CFAP54: variants seen among roughly 807,000 people sequenced by gnomAD.
CFAP54 encodes cilia- and flagella-associated protein 54.
CFAP54 carries 290 observed loss-of-function variants against 370.4 expected under a neutral mutation model. That is an observed-to-expected ratio of 0.78 (90% CI 0.71 to 0.86). The LOEUF is 0.86. CFAP54 is among the 40% of genes least tolerant of loss of function. CFAP54 has a pLI of 0.00. For missense variants in CFAP54, 3,399 were observed against 3,528.7 expected, an observed-to-expected ratio of 0.96 and a Z score of 0.93; for synonymous variants, 1,206 against 1,236.5, an observed-to-expected ratio of 0.98 and a Z score of 0.52.
At chr12:96,805,084 A>T (rs1958863818) in intron 63 of CFAP54, among the ~76,000 whole-genome samples, 1 of 152,138 alleles carries the variant, frequency 6.6e-6, no homozygotes, top group South Asian at 2.1e-4. Context: ...TACCAGATAC[A>T]AAACTGAAGA....
At chr12:96,711,675 A>G (rs1957616266) in intron 48 of CFAP54, among the ~76,000 whole-genome samples, 3 of 152,218 alleles carry the variant, frequency 2.0e-5, no homozygotes, top group Non-Finnish European at 4.4e-5. Context: ...TAGATGTTTA[A>G]TCATTTGCTG....
chr12:96,777,634 C>T (rs1958531963), intron 60 of CFAP54, among the ~76,000 whole-genome samples: 1 of 152,136 alleles, frequency 6.6e-6, no homozygotes, highest in Non-Finnish European at 1.5e-5. Context: ...CAGGTGTGAG[C>T]CACTGCGCCT....
rs181292770 is a variant in CFAP54 at position 96,562,519 on chromosome 12, G to A, written c.2411-1949G>A. On this transcript the variant is annotated intron_variant, in intron 17 of 67. Transcript: ENST00000524981. ...TCAGCTCACTGGAACCTCTGCCTCC[G>A]AGGTTCAAGTGATTCTCCTGCCTCA... Among the ~76,000 whole-genome samples, 235 of 148,834 alleles carry A rather than the reference G, an allele frequency of 1.6e-3. 1 individual carries two copies. The highest frequency in any genetic ancestry group is 5.5e-3 in the African/African-American group (222 of 40,420).
intron 50 of CFAP54, among the ~76,000 whole-genome samples, chr12:96,727,306 A>T (rs1208377637): frequency 1.3e-5 from 2 of 151,836 alleles, no homozygotes; most frequent in Admixed American, 6.6e-5. Context: ...ATTGTGTGGG[A>T]GTCTAAGTCT....
At chr12:96,826,862 A>T (rs1327044640) in intron 65 of CFAP54, among the ~76,000 whole-genome samples, 1 of 118,208 alleles carries the variant, frequency 8.5e-6, no homozygotes, top group South Asian at 2.4e-4. Flanking sequence ...AATATATTAT[A>T]TAATATTATG....
intron 60 of CFAP54, among the ~76,000 whole-genome samples, chr12:96,770,237 G>A (rs1038851316): frequency 6.6e-6 from 1 of 150,668 alleles, no homozygotes; most frequent in Non-Finnish European, 1.5e-5. Context: ...TGTTGCATCC[G>A]AGTATTAGAG....
chr12:96,733,620 TG>T (rs1441748032), intron 50 of CFAP54, among the ~76,000 whole-genome samples: 1 of 151,830 alleles, frequency 6.6e-6, no homozygotes, highest in Non-Finnish European at 1.5e-5. Flanking sequence ...GAAAAATATT[TG>T]GGCCTTTTAA....
chr12:96,599,738 T>G (rs1956219441), intron 26 of CFAP54, among the ~76,000 whole-genome samples: 1 of 152,234 alleles, frequency 6.6e-6, no homozygotes, highest in Admixed American at 6.5e-5. Flanking sequence ...TGGTTTTGAT[T>G]TGCATTTCTC....
chr12:96,748,497 T>C (rs1365935259), intron 55 of CFAP54, among the ~76,000 whole-genome samples: 6 of 152,200 alleles, frequency 3.9e-5, no homozygotes, highest in African/African-American at 9.7e-5. Flanking sequence ...TCATAGGTTG[T>C]TGATTGAATC....
intron 62 of CFAP54, among the ~76,000 whole-genome samples, chr12:96,789,412 C>G (rs1017962616): frequency 2.6e-5 from 4 of 152,170 alleles, no homozygotes; most frequent in Admixed American, 6.5e-5. Flanking sequence ...CAGATTCACC[C>G]CTCCTGGGAA....
At position 96,688,969 on chromosome 12, in the gene CFAP54, C is replaced by T. The variant is rs1957358657; in HGVS notation, c.6068C>T (p.Ala2023Val). Residue 2023 changes from alanine to valine, a missense_variant, in exon 43 of 68, where the codon GCG (alanine) becomes GTG (valine). Physicochemically the swap from Ala to Val is moderately conservative, Grantham distance 64. Around this residue, in one of 3 missense-constraint regions of CFAP54, gnomAD observed 2,796 missense variants for 2,869.7 expected, o/e 0.97. Coordinates refer to ENST00000524981, the MANE Select transcript of CFAP54 (RefSeq NM_001306084.2). The part of the protein sequence containing the change: ...EKKTDCCILS[A>V]LLFQGLLRTT... ...AAAACTGACTGTTGCATTTTGTCTG[C>T]GTTACTCTTTCAGGTAACACTCTAT... The T allele has an allele frequency of 1.3e-6, 2 of 1,579,218 alleles. No individual in the cohort carries two copies. Among genetic ancestry groups the T allele is most frequent in the Non-Finnish European group, 8.6e-7 (1 of 1,164,452 alleles).
Position 96,554,279 on chromosome 12 carries a change from G to T in CFAP54, c.2252G>T (p.Gly751Val). Reference protein sequence around the residue: ...LNCMLTSLPNGSSVIDHCYAK... With the variant: ...LNCMLTSLPNVSSVIDHCYAK... ...TGCATGTTAACCTCTTTGCCAAATG[G>T]ATCATCAGTAATTGACCACTGCTAT... Residue 751 changes from glycine (G) to valine (V), a missense_variant, in exon 16 of 68, where the codon GGA (glycine) becomes GTA (valine). Transcript: ENST00000524981. 1 of 1,528,652 alleles carries T rather than the reference G, an allele frequency of 6.5e-7. No individual in the cohort carries two copies. The highest frequency in any genetic ancestry group is 1.2e-5 in the South Asian group (1 of 82,604). The allele number at this position is 1,528,652 out of a possible 1,614,324, so 94.7% of individuals were successfully genotyped here.
intron 19 of CFAP54, among the ~76,000 whole-genome samples, chr12:96,568,202 ATCT>A (rs894395360): frequency 2.0e-5 from 3 of 149,002 alleles, no homozygotes; most frequent in African/African-American, 7.4e-5. Context: ...TTTTTCAGAG[ATCT>A]TCTCAGCTCT....
At chr12:96,844,215 G>A (rs2136778643) in intron 66 of CFAP54, among the ~76,000 whole-genome samples, 1 of 152,276 alleles carries the variant, frequency 6.6e-6, no homozygotes, top group East Asian at 1.9e-4. Flanking sequence ...ATTAAGTTAA[G>A]GATGGGGAGA....
At position 96,504,028 on chromosome 12, in the gene CFAP54, C is replaced by G; in HGVS notation, c.566C>G (p.Thr189Arg). The G allele has an allele frequency of 6.7e-7, 1 of 1,503,628 alleles. No homozygotes were observed. Among genetic ancestry groups the G allele is most frequent in the Non-Finnish European group, 8.8e-7 (1 of 1,136,338 alleles). The allele number at this position is 1,503,628 out of a possible 1,614,324, so 93.1% of individuals were successfully genotyped here. A position where few individuals can be genotyped will look rare whatever the true frequency, so the allele number is the denominator to read the frequency against. ...TTTAAAGATAAAACTGCTGGACTTACAGTAAGATGAAAGAGCAGCTGAAAT... is the reference window on the plus strand; with the variant it reads ...TTTAAAGATAAAACTGCTGGACTTAGAGTAAGATGAAAGAGCAGCTGAAAT... ...KGFKDKTAGL[T>R]FHALSGKNMC... The change falls in exon 3 of 68, where the codon ACA becomes AGA. Residue 189 changes from threonine (T) to arginine (R), a missense_variant and splice_region_variant. By Grantham distance (71) the Thr-to-Arg change is moderately conservative. Coordinates refer to ENST00000524981, the MANE Select transcript of CFAP54 (RefSeq NM_001306084.2).
intron 17 of CFAP54, among the ~76,000 whole-genome samples, chr12:96,563,783 C>T (rs10860055): frequency 0.56 from 85,578 of 152,026 alleles, 24,803 homozygotes; most frequent in East Asian, 0.74. Context: ...GACCAAAATA[C>T]TACCAGGTCT....
intron 32 of CFAP54, among the ~76,000 whole-genome samples, chr12:96,641,175 C>T (rs1443927518): frequency 1.1e-4 from 16 of 151,914 alleles, no homozygotes; most frequent in African/African-American, 2.4e-4. Flanking sequence ...TGCAATCTAT[C>T]CATCTGACAA....
intron 26 of CFAP54, among the ~76,000 whole-genome samples, chr12:96,605,317 A>T (rs993549821): frequency 1.3e-5 from 2 of 152,200 alleles, no homozygotes; most frequent in Non-Finnish European, 2.9e-5. Context: ...AGGTATCAAG[A>T]AACCAAACAG....
intron 14 of CFAP54, among the ~76,000 whole-genome samples, chr12:96,543,314 G>T (rs1299656906): frequency 2.0e-5 from 3 of 152,190 alleles, no homozygotes; most frequent in African/African-American, 7.2e-5. Flanking sequence ...AGGAAAGGAA[G>T]CCCCATGTAA....
Sources: gnomAD v4.1 joint callset for allele counts (sites outside exome capture counted in the v4.1 genomes callset) on GRCh38, gnomAD v4.1.1 for gene constraint, gnomAD v4.1.1 regional missense constraint, MANE v1.5 for transcripts, NCBI Gene and HGNC (gene_info 2026-07-23, HGNC 2026-07-21) for gene names.